Variants in ROBO1 observed in about 807,000 individuals in gnomAD.
ROBO1 encodes the protein roundabout guidance receptor 1.
Under a neutral mutation model 195.9 loss-of-function variants are expected in ROBO1, and 149 were observed. The observed-to-expected ratio is 0.76, with a 90% CI of 0.67 to 0.87. ROBO1 has a LOEUF of 0.87. ROBO1 is among the 40% of genes least tolerant of loss of function. The probability of loss-of-function intolerance (pLI) is 0.00; values close to 1 mark genes in which losing one functional copy is unlikely to be tolerated. For synonymous variants in ROBO1, 816 were observed against 733.2 expected (o/e 1.11, Z -1.82); for missense variants, 1,933 against 2,068.3 (o/e 0.93, Z 1.27).
At chr3:78,970,561 A>G (rs1413580551) in intron 3 of ROBO1, among the ~76,000 whole-genome samples, 1 of 152,206 alleles carries the variant, frequency 6.6e-6, no homozygotes, top group Non-Finnish European at 1.5e-5. Context: ...AATCTGAAAA[A>G]TAAATAGGTT....
intron 2 of ROBO1, among the ~76,000 whole-genome samples, chr3:79,224,338 T>C (rs2082189815): frequency 6.6e-6 from 1 of 152,226 alleles, no homozygotes; most frequent in Non-Finnish European, 1.5e-5. Flanking sequence ...CGGAGTCCTG[T>C]AGCTTAATTT....
chr3:79,602,272 G>A (rs111781629), intron 1 of ROBO1, among the ~76,000 whole-genome samples: 283 of 152,080 alleles, frequency 1.9e-3, no homozygotes, highest in African/African-American at 6.4e-3. Flanking sequence ...AAGGTCAAAA[G>A]TAATTTTCAT....
chr3:78,939,450 TAAA>T (rs772177770), intron 3 of ROBO1, among the ~76,000 whole-genome samples: 3 of 129,128 alleles, frequency 2.3e-5, no homozygotes, highest in Admixed American at 7.9e-5. Flanking sequence ...CCGTCTCTAC[TAAA>T]AAAAAAAAAA....
intron 2 of ROBO1, among the ~76,000 whole-genome samples, chr3:79,371,390 T>C (rs1194901785): frequency 6.6e-6 from 1 of 152,136 alleles, no homozygotes; most frequent in African/African-American, 2.4e-5. Flanking sequence ...TATAAGATAA[T>C]GGACCCTTTA....
At chr3:79,393,863 A>T (rs748311107) in intron 2 of ROBO1, among the ~76,000 whole-genome samples, 3 of 152,212 alleles carry the variant, frequency 2.0e-5, no homozygotes, top group Non-Finnish European at 4.4e-5. Context: ...GTAGGCAGGG[A>T]ACCCGAACAT....
Position 78,938,879 on chromosome 3 carries a change from G to A in ROBO1, c.221C>T (p.Pro74Leu). The change falls in exon 4 of 31, where the codon CCT (proline) becomes CTT (leucine). Residue 74 changes from proline (P) to leucine (L), a missense_variant. Pro to Leu is a moderately conservative substitution (Grantham distance 98). Transcript: ENST00000464233. ...TCCTTTTGAGACAATCAGGTCTGAA[G>A]GGTGTTCAACAATGCGAGGTGGAAA... Reference protein sequence around the residue: ...EDFPPRIVEHPSDLIVSKGEP... With the variant: ...EDFPPRIVEHLSDLIVSKGEP... The A allele has an allele frequency of 1.2e-6, 2 of 1,613,938 alleles. No individual in the cohort carries two copies. Among genetic ancestry groups the A allele is most frequent in the Non-Finnish European group, 1.7e-6 (2 of 1,179,872 alleles).
chr3:79,419,866 C>T (rs549293541), intron 2 of ROBO1, among the ~76,000 whole-genome samples: 59 of 152,080 alleles, frequency 3.9e-4, no homozygotes, highest in African/African-American at 1.4e-3. Flanking sequence ...GGAATCTGAC[C>T]TTAACATCAT....
chr3:79,239,848 G>A (rs1236551856), intron 2 of ROBO1, among the ~76,000 whole-genome samples: 4 of 152,116 alleles, frequency 2.6e-5, no homozygotes, highest in Non-Finnish European at 5.9e-5. Context: ...TAAAACATGA[G>A]TGTATGTGCC....
At chr3:78,643,207 T>C (rs973268700) in intron 21 of ROBO1, among the ~76,000 whole-genome samples, 3 of 152,146 alleles carry the variant, frequency 2.0e-5, no homozygotes, top group African/African-American at 7.2e-5. Flanking sequence ...TAGAGCTTAT[T>C]TGATAACTAC....
chr3:79,429,818 G>A (rs1026610271), intron 2 of ROBO1, among the ~76,000 whole-genome samples: 1 of 151,880 alleles, frequency 6.6e-6, no homozygotes, highest in African/African-American at 2.4e-5. Context: ...TGAAAATTCT[G>A]TTTACAAGCA....
chr3:79,050,498 A>T lies in ROBO1; in HGVS notation c.172+74958T>A, dbSNP rs1483949480. On this transcript the variant is annotated intron_variant, in intron 3 of 30. Transcript: ENST00000464233. ...ATATTAGACAGATCAATGAGACAGA[A>T]GGTTCACAAGGATATCCAGGACTTG... Among the ~76,000 whole-genome samples the T allele has an allele frequency of 2.6e-5, 4 of 152,124 alleles. No homozygotes were observed. In the East Asian group the frequency reaches 7.8e-4, roughly 29 times the overall value.
chr3:78,804,401 C>T (rs2084466286), intron 4 of ROBO1, among the ~76,000 whole-genome samples: 1 of 151,990 alleles, frequency 6.6e-6, no homozygotes, highest in African/African-American at 2.4e-5. Flanking sequence ...TAGGTTTCTT[C>T]TTTGTTCCAC....
intron 1 of ROBO1, among the ~76,000 whole-genome samples, chr3:79,671,312 G>T (rs990874564): frequency 2.0e-5 from 3 of 151,842 alleles, no homozygotes; most frequent in African/African-American, 7.3e-5. Flanking sequence ...GAAATCTTCT[G>T]CATTTAAGAG....
chr3:78,879,768 T>C (rs534439564), intron 4 of ROBO1, among the ~76,000 whole-genome samples: 1 of 152,278 alleles, frequency 6.6e-6, no homozygotes, highest in East Asian at 1.9e-4. Context: ...GGCTCTTGTT[T>C]TTCCTTGATG....
chr3:79,559,904 G>A (rs1942846395), intron 2 of ROBO1, among the ~76,000 whole-genome samples: 1 of 152,074 alleles, frequency 6.6e-6, no homozygotes, highest in East Asian at 1.9e-4. Context: ...GTGAGAGAGT[G>A]AGACTCTATC....
At chr3:78,940,179 C>T (rs569216998) in intron 3 of ROBO1, among the ~76,000 whole-genome samples, 1 of 152,274 alleles carries the variant, frequency 6.6e-6, no homozygotes, top group Non-Finnish European at 1.5e-5. Context: ...GTCTTCCTCT[C>T]TTTCTGTCCC....
chr3:79,335,295 G>A (rs553257475), intron 2 of ROBO1, among the ~76,000 whole-genome samples: 1 of 152,152 alleles, frequency 6.6e-6, no homozygotes, highest in East Asian at 1.9e-4. Context: ...CAAGAAATTT[G>A]TACAGGGAGT....
intron 2 of ROBO1, among the ~76,000 whole-genome samples, chr3:79,322,276 C>A (rs182099109): frequency 7.9e-5 from 12 of 152,172 alleles, no homozygotes; most frequent in African/African-American, 2.9e-4. Context: ...TAAAGGAGGG[C>A]AAAATCTAAT....
chr3:78,851,389 T>A (rs769675148), intron 4 of ROBO1, among the ~76,000 whole-genome samples: 13 of 152,228 alleles, frequency 8.5e-5, no homozygotes, highest in Non-Finnish European at 1.8e-4. Flanking sequence ...ATGAATACTG[T>A]CATTAAAAAG....
Sources: allele counts gnomAD v4.1 joint callset (sites outside exome capture counted in the v4.1 genomes callset), GRCh38; gene constraint gnomAD v4.1.1; transcripts MANE v1.5; gene names NCBI Gene and HGNC (gene_info 2026-07-23, HGNC 2026-07-21).